The following PTPRD variants were observed in gnomAD, a reference collection of about 807,000 sequenced individuals.
The protein encoded by PTPRD is protein tyrosine phosphatase receptor type D.
Under a neutral mutation model 214.5 loss-of-function variants are expected in PTPRD, and 34 were observed. That is an observed-to-expected ratio of 0.16 (90% CI 0.12 to 0.21). The LOEUF (loss-of-function observed/expected upper bound fraction) is 0.21, where lower values mean the gene tolerates loss of function less well. PTPRD is among the 10% of genes least tolerant of loss of function. The probability of loss-of-function intolerance (pLI) is 1.00; values close to 1 mark genes in which losing one functional copy is unlikely to be tolerated. For synonymous variants in PTPRD, 1,128 were observed against 845.7 expected (o/e 1.33, Z -5.79); for missense variants, 2,545 against 2,398.7 (o/e 1.06, Z -1.27).
intron 12 of PTPRD, among the ~76,000 whole-genome samples, chr9:8,729,892 C>T (rs1254425396): frequency 1.3e-5 from 2 of 152,212 alleles, no homozygotes; most frequent in Non-Finnish European, 2.9e-5. Context: ...TAAAGAAACT[C>T]CATGGTCTAC....
At chr9:10,467,236 G>A (rs1352690155) in intron 2 of PTPRD, among the ~76,000 whole-genome samples, 1 of 152,190 alleles carries the variant, frequency 6.6e-6, no homozygotes, top group Non-Finnish European at 1.5e-5. Flanking sequence ...ATAGTTGTGG[G>A]ATGTTAGATC....
At chr9:9,145,535 T>A (rs2099867164) in intron 10 of PTPRD, among the ~76,000 whole-genome samples, 1 of 152,084 alleles carries the variant, frequency 6.6e-6, no homozygotes, top group Non-Finnish European at 1.5e-5. Flanking sequence ...TAAAAAGATA[T>A]AAACTAAACT....
chr9:10,564,358 C>G (rs1164746816), intron 2 of PTPRD, among the ~76,000 whole-genome samples: 1 of 150,388 alleles, frequency 6.6e-6, no homozygotes, highest in African/African-American at 2.5e-5. Flanking sequence ...TTCCAGTGAA[C>G]TATATTTTCC....
At chr9:8,524,828 G>C (rs935040858) in intron 18 of PTPRD, 97 bp downstream of exon 18, 1 of 988,268 alleles carries the variant, frequency 1.0e-6, no homozygotes, top group Non-Finnish European at 1.6e-6. Context: ...TACCAAACCA[G>C]CTTGTTAACT....
chr9:9,215,895 G>C (rs1189170058), intron 9 of PTPRD, among the ~76,000 whole-genome samples: 2 of 152,198 alleles, frequency 1.3e-5, no homozygotes, highest in Admixed American at 6.5e-5. Flanking sequence ...GGAGGAGACA[G>C]ATTAGTAAAT....
intron 40 of PTPRD, 142 bp from the exon 41 acceptor site, chr9:8,341,410 C>G: frequency 1.1e-6 from 1 of 910,574 alleles, no homozygotes; most frequent in Non-Finnish European, 1.6e-6. Context: ...AATTGTACTG[C>G]TTTTCACATC....
At chr9:8,714,566 T>A (rs2098409700) in intron 12 of PTPRD, among the ~76,000 whole-genome samples, 1 of 152,190 alleles carries the variant, frequency 6.6e-6, no homozygotes, top group African/African-American at 2.4e-5. Flanking sequence ...ATCCTTTACA[T>A]TTTCTCCATT....
chr9:9,188,149 T>C (rs2099932816), intron 9 of PTPRD, among the ~76,000 whole-genome samples: 1 of 152,048 alleles, frequency 6.6e-6, no homozygotes, highest in East Asian at 1.9e-4. Flanking sequence ...TATGTAAATG[T>C]AATCAAGTAT....
chr9:8,951,331 T>TA (rs112627664), intron 11 of PTPRD, among the ~76,000 whole-genome samples: 3,726 of 149,490 alleles, frequency 0.025, 135 homozygotes, highest in African/African-American at 0.086. Flanking sequence ...TTTTTTTTTT[T>TA]TTTTTTTCAG....
chr9:9,635,139 C>T lies in PTPRD; in HGVS notation c.-286-60358G>A, dbSNP rs374882004. Among the ~76,000 whole-genome samples the T allele has an allele frequency of 7.9e-5, 12 of 152,268 alleles. No homozygotes were observed. The East Asian group carries it at 1.5e-3, about 20-fold the overall frequency. On this transcript the variant is annotated intron_variant, in intron 7 of 45. Coordinates refer to ENST00000381196, the MANE Select transcript of PTPRD (RefSeq NM_002839.4). Reference sequence around the variant, plus strand: ...TGGCTAAGAAGGACATCTGTAGCCACACAAACTGGAATAAGCCTATAAAGC... The same window carrying T: ...TGGCTAAGAAGGACATCTGTAGCCATACAAACTGGAATAAGCCTATAAAGC...
intron 11 of PTPRD, among the ~76,000 whole-genome samples, chr9:9,008,229 A>ATTTAT (rs2099490267): frequency 6.9e-6 from 1 of 145,336 alleles, no homozygotes; most frequent in Admixed American, 7.0e-5. Context: ...TTATTTATTT[A>ATTTAT]TTTATTTATT....
intron 12 of PTPRD, among the ~76,000 whole-genome samples, chr9:8,705,494 C>G (rs1014255774): frequency 2.0e-5 from 3 of 152,128 alleles, no homozygotes; most frequent in Admixed American, 6.5e-5. Flanking sequence ...TCAAGTAATA[C>G]TAGTTTTGGA....
intron 8 of PTPRD, among the ~76,000 whole-genome samples, chr9:9,416,934 C>T (rs2077164209): frequency 6.6e-6 from 1 of 152,130 alleles, no homozygotes; most frequent in Non-Finnish European, 1.5e-5. Context: ...CAAGTACTTT[C>T]ACAATATAAA....
intron 8 of PTPRD, among the ~76,000 whole-genome samples, chr9:9,531,104 T>C (rs1237060594): frequency 6.6e-6 from 1 of 152,194 alleles, no homozygotes; most frequent in African/African-American, 2.4e-5. Context: ...CTTGACTTCA[T>C]CCTTATGCAT....
intron 9 of PTPRD, among the ~76,000 whole-genome samples, chr9:9,199,839 C>G (rs2099940826): frequency 6.6e-6 from 1 of 151,838 alleles, no homozygotes; most frequent in South Asian, 2.1e-4. Flanking sequence ...ATCTTATTTA[C>G]AAAAAAGTAT....
intron 8 of PTPRD, among the ~76,000 whole-genome samples, chr9:9,493,862 G>A (rs191425403): frequency 2.7e-4 from 41 of 150,110 alleles, no homozygotes; most frequent in African/African-American, 9.8e-4. Flanking sequence ...ATCATAGATA[G>A]TAATTTCTCT....
In PTPRD at chr9:8,812,251, C is replaced by G. The variant is rs1055717311; in HGVS notation, c.-103-78305G>C. 7.9e-5 allele frequency among the ~76,000 whole-genome samples: 12 copies of G among 152,062 alleles called. No homozygotes were observed. The East Asian group carries it at 2.3e-3, about 29-fold the overall frequency. On this transcript the variant is annotated intron_variant, in intron 11 of 45. Coordinates refer to ENST00000381196, the MANE Select transcript of PTPRD (RefSeq NM_002839.4). Reference sequence around the variant, plus strand: ...TATTTCTAGCAATTATATATATGCACAGATAGATGTACATATATATTTATA... The same window carrying G: ...TATTTCTAGCAATTATATATATGCAGAGATAGATGTACATATATATTTATA...
intron 8 of PTPRD, among the ~76,000 whole-genome samples, chr9:9,421,051 T>A (rs569621755): frequency 5.3e-4 from 81 of 152,094 alleles, no homozygotes; most frequent in African/African-American, 1.9e-3. Context: ...TACTTCCATC[T>A]ATCAGAAAAC....
intron 2 of PTPRD, among the ~76,000 whole-genome samples, chr9:10,480,652 TA>T (rs574895860): frequency 6.6e-6 from 1 of 151,972 alleles, no homozygotes; most frequent in East Asian, 1.9e-4. Flanking sequence ...CAATATTAAA[TA>T]AAAACAATTT....
Sources: gnomAD v4.1 joint callset for allele counts (sites outside exome capture counted in the v4.1 genomes callset) on GRCh38, gnomAD v4.1.1 for gene constraint, MANE v1.5 for transcripts, NCBI Gene and HGNC (gene_info 2026-07-23, HGNC 2026-07-21) for gene names.